Variants in ESF1 observed in about 807,000 individuals in gnomAD.
The protein encoded by ESF1 is ESF1 homolog.
A neutral mutation model predicts 92.0 loss-of-function variants in ESF1; 58 were observed. The ratio of observed to expected loss-of-function variants is 0.63; its 90% CI spans 0.51 to 0.78. The LOEUF is 0.78. Among genes scored for constraint, ESF1 ranks in the 30% least tolerant of loss-of-function variants. ESF1 has a pLI of 0.00. For synonymous variants in ESF1, 321 were observed against 313.7 expected, an observed-to-expected ratio of 1.02 and a Z score of -0.24; for missense variants, 922 against 989.1, an observed-to-expected ratio of 0.93 and a Z score of 0.91.
chr20:13,777,572 TAAAGAC>T (rs1490367658), intron 2 of ESF1, among the ~76,000 whole-genome samples: 1 of 152,208 alleles, frequency 6.6e-6, no homozygotes, highest in African/African-American at 2.4e-5. Flanking sequence ...AGATCACCTA[TAAAGAC>T]AGAGAAATAA....
intron 7 of ESF1, among the ~76,000 whole-genome samples, chr20:13,767,813 C>T (rs950966093): frequency 8.5e-5 from 13 of 152,124 alleles, no homozygotes; most frequent in African/African-American, 3.1e-4. Flanking sequence ...CATATAAGGC[C>T]CTGCCAGATA....
intron 7 of ESF1, 92 bp downstream of exon 7, chr20:13,769,815 C>T (rs977523860): frequency 6.9e-6 from 6 of 869,320 alleles, no homozygotes; most frequent in East Asian, 2.6e-5. Flanking sequence ...AAAATTAATA[C>T]TTTCCATTTT....
chr20:13,775,736 A>C, intron 3 of ESF1, 137 bp downstream of exon 3: 1 of 975,072 alleles, frequency 1.0e-6, no homozygotes, highest in Non-Finnish European at 1.4e-6. Flanking sequence ...ATTATATTCC[A>C]TATCAAATTT....
chr20:13,780,835 T>A (rs970280859), intron 2 of ESF1, among the ~76,000 whole-genome samples: 3 of 152,240 alleles, frequency 2.0e-5, no homozygotes, highest in African/African-American at 7.2e-5. Context: ...AGTAAACACG[T>A]AATGCAAACT....
At chr20:13,760,751 G>T (rs928299198) in intron 8 of ESF1, among the ~76,000 whole-genome samples, 43 of 150,382 alleles carry the variant, frequency 2.9e-4, no homozygotes, top group African/African-American at 1.1e-3. Flanking sequence ...CGTCCGGGAG[G>T]GAGGTGGGGG....
intron 9 of ESF1, among the ~76,000 whole-genome samples, chr20:13,748,417 T>TATACATATACACATATAC (rs1978380010): frequency 6.7e-6 from 1 of 149,656 alleles, no homozygotes; most frequent in Non-Finnish European, 1.5e-5. Flanking sequence ...TACACATATA[T>TATACATATACACATATAC]ATACATATAC....
At chr20:13,777,656 T>C (rs555164521) in intron 2 of ESF1, among the ~76,000 whole-genome samples, 21 of 152,334 alleles carry the variant, frequency 1.4e-4, no homozygotes, top group African/African-American at 4.1e-4. Flanking sequence ...TACACCAAGA[T>C]TGAAAGACTG....
At chr20:13,720,719 T>C (rs1419010692) in intron 11 of ESF1, among the ~76,000 whole-genome samples, 1 of 152,216 alleles carries the variant, frequency 6.6e-6, no homozygotes, top group Admixed American at 6.5e-5. Flanking sequence ...ACCATAAAAG[T>C]ATATGCATAC....
chr20:13,752,132 T>C (rs984000089), intron 9 of ESF1, among the ~76,000 whole-genome samples: 2 of 152,254 alleles, frequency 1.3e-5, no homozygotes, highest in African/African-American at 4.8e-5. Flanking sequence ...GCATCATTTT[T>C]AGATAACTCT....
intron 5 of ESF1, 32 bp downstream of exon 5, chr20:13,772,483 G>T (rs761994687): frequency 2.1e-6 from 3 of 1,450,188 alleles, no homozygotes; most frequent in Non-Finnish European, 2.9e-6. Context: ...AATTTATGAG[G>T]TTTAGTTTTA....
intron 11 of ESF1, among the ~76,000 whole-genome samples, chr20:13,725,755 T>C (rs554500205): frequency 1.3e-5 from 2 of 152,338 alleles, no homozygotes; most frequent in African/African-American, 4.8e-5. Flanking sequence ...TGAAGTACTA[T>C]TTACATGCTA....
In ESF1 at chr20:13,752,781, G is replaced by A. The variant is rs905214745; in HGVS notation, c.1828+6911C>T. 6.6e-5 allele frequency among the ~76,000 whole-genome samples: 10 copies of A among 152,174 alleles called. No individual in the cohort carries two copies. In the East Asian group the frequency reaches 7.7e-4, roughly 12 times the overall value. ...TAAAATAAATGTGGCAGGGGAGGAC[G>A]AAGGATAAAGAACAGATACCAGAAT... On this transcript the variant is annotated intron_variant, in intron 9 of 13. Coordinates refer to ENST00000617257, the MANE Select transcript of ESF1 (RefSeq NM_001276380.2).
rs548809465 is a variant in ESF1, at chr20:13,776,570, G to A, written c.638-300C>T. 2.4e-4 allele frequency among the ~76,000 whole-genome samples: 37 copies of A among 152,266 alleles called. No individual in the cohort carries two copies. The South Asian group carries it at 4.6e-3, about 19-fold the overall frequency. On this transcript the variant is annotated intron_variant, in intron 2 of 13. Coordinates refer to ENST00000617257, the MANE Select transcript of ESF1 (RefSeq NM_001276380.2). ...CAATACTTAACAGTGTGCCTGCTAC[G>A]TGCTAAGTGCTCAATATACAACAGT... is the stretch of plus-strand genomic sequence containing the variant.
At chr20:13,724,786 G>A (rs2049890365) in intron 11 of ESF1, among the ~76,000 whole-genome samples, 1 of 152,150 alleles carries the variant, frequency 6.6e-6, no homozygotes, top group African/African-American at 2.4e-5. Flanking sequence ...TCATATGGGA[G>A]GACTGGGTGA....
At chr20:13,725,102 T>C (rs2049892738) in intron 11 of ESF1, among the ~76,000 whole-genome samples, 1 of 152,294 alleles carries the variant, frequency 6.6e-6, no homozygotes. Flanking sequence ...CCTTAGGCAG[T>C]AACCTCCTGC....
At chr20:13,744,079 A>G (rs2050032399) in intron 9 of ESF1, among the ~76,000 whole-genome samples, 1 of 152,218 alleles carries the variant, frequency 6.6e-6, no homozygotes, top group South Asian at 2.1e-4. Context: ...TCATTATAAC[A>G]AACAAACAAA....
intron 9 of ESF1, among the ~76,000 whole-genome samples, chr20:13,754,128 C>A (rs1978767708): frequency 6.6e-6 from 1 of 152,178 alleles, no homozygotes; most frequent in Non-Finnish European, 1.5e-5. Context: ...TCCCATTCTT[C>A]CTTCAAACCA....
chr20:13,714,929 G>C lies in ESF1; in HGVS notation c.2501C>G (p.Ser834Cys). The change falls in exon 14 of 14, where the codon TCT (serine) becomes TGT (cysteine). Residue 834 changes from serine (S) to cysteine (C), a missense_variant. By Grantham distance (112) the Ser-to-Cys change is moderately radical. Coordinates refer to ENST00000617257, the MANE Select transcript of ESF1 (RefSeq NM_001276380.2). ...IDPALSMLIK[S>C]IKTKTEQFQA... is the part of the protein sequence containing the mutation. ...AAACTGCTCTGTTTTGGTTTTTATA[G>C]ATTTAATCAACATTGACAAAGCAGG... 6.2e-7 allele frequency: 1 copy of C among 1,613,152 alleles called. No homozygotes were observed. Among genetic ancestry groups the C allele is most frequent in the Non-Finnish European group, 8.5e-7 (1 of 1,179,582 alleles).
intron 9 of ESF1, among the ~76,000 whole-genome samples, chr20:13,743,683 A>G (rs1322259735): frequency 4.6e-5 from 7 of 152,186 alleles, no homozygotes; most frequent in African/African-American, 1.7e-4. Flanking sequence ...AGTCAAACTC[A>G]GAAGCAAAGA....
Sources: gnomAD v4.1 joint callset for allele counts (sites outside exome capture counted in the v4.1 genomes callset) on GRCh38, gnomAD v4.1.1 for gene constraint, MANE v1.5 for transcripts, NCBI Gene and HGNC (gene_info 2026-07-23, HGNC 2026-07-21) for gene names.